BRF1: variants seen among roughly 807,000 people sequenced by gnomAD.
The protein encoded by BRF1 is BRF1 general transcription factor IIIB subunit, also known as transcription factor IIIB 90 kDa subunit.
A neutral mutation model predicts 81.7 loss-of-function variants in BRF1; 59 were observed. The ratio of observed to expected loss-of-function variants is 0.72; its 90% CI spans 0.59 to 0.90. BRF1 has a LOEUF of 0.90. Among genes scored for constraint, BRF1 ranks in the 40% least tolerant of loss-of-function variants. BRF1 has a pLI of 0.00. For synonymous variants in BRF1, 491 were observed against 395.6 expected, an observed-to-expected ratio of 1.24 and a Z score of -2.86; for missense variants, 1,050 against 936.3, an observed-to-expected ratio of 1.12 and a Z score of -1.58.
chr14:105,256,298 T>C (rs188768764), intron 4 of BRF1: 4 of 1,546,494 alleles, frequency 2.6e-6, no homozygotes, highest in Non-Finnish European at 1.7e-6. Flanking sequence ...GCAGGTGCCC[T>C]CCTGCCATGG....
intron 3 of BRF1, among the ~76,000 whole-genome samples, chr14:105,264,210 TCTATAA>T (rs2056294994): frequency 6.6e-6 from 1 of 152,018 alleles, no homozygotes; most frequent in Non-Finnish European, 1.5e-5. Flanking sequence ...ATGGCTCACA[TCTATAA>T]TCCTAGCACG....
In BRF1 at chr14:105,212,159, C is replaced by T; in HGVS notation, c.1778G>A (p.Arg593Lys). ...DPVTSVGKRL[R>K]PLVSTQPAKK... ...TGCTGGCTGCGTAGACACCAGAGGCCTCAACCTGCAAAAGGAAGCACAGCA... is the reference window on the plus strand; with the variant it reads ...TGCTGGCTGCGTAGACACCAGAGGCTTCAACCTGCAAAAGGAAGCACAGCA... The change falls in exon 16 of 18, where the codon AGG becomes AAG. Residue 593 changes from arginine to lysine, a missense_variant. Around this residue, in one of 2 missense-constraint regions of BRF1, gnomAD observed 1,043 missense variants for 915.4 expected, o/e 1.14. Transcript: ENST00000547530. 1 of 1,612,332 alleles carries T rather than the reference C, an allele frequency of 6.2e-7. No homozygotes were observed. The highest frequency in any genetic ancestry group is 8.5e-7 in the Non-Finnish European group (1 of 1,179,458).
intron 15 of BRF1, among the ~76,000 whole-genome samples, chr14:105,216,949 C>T (rs1891425454): frequency 6.6e-6 from 1 of 152,338 alleles, no homozygotes; most frequent in South Asian, 2.1e-4. Context: ...AGCCCAGCTG[C>T]CCATGGCCTC....
chr14:105,254,652 C>G (rs587747455), intron 4 of BRF1, among the ~76,000 whole-genome samples: 1 of 152,288 alleles, frequency 6.6e-6, no homozygotes, highest in Non-Finnish European at 1.5e-5. Flanking sequence ...ACCTCCACCT[C>G]AAGGGTTCAA....
intron 5 of BRF1, chr14:105,248,148 A>C: frequency 1.0e-6 from 1 of 985,490 alleles, no homozygotes; most frequent in Non-Finnish European, 1.2e-6. Context: ...CTCAGAGCAG[A>C]GTGGACCGCG....
At chr14:105,261,746 G>A (rs2056164176) in intron 3 of BRF1, among the ~76,000 whole-genome samples, 1 of 152,266 alleles carries the variant, frequency 6.6e-6, no homozygotes, top group African/African-American at 2.4e-5. Context: ...AGCCAGCAGT[G>A]CAGGGGCCGG....
Position 105,209,486 on chromosome 14 carries a change from C to T in BRF1, c.*1065G>A, listed in dbSNP as rs775564399. The T allele has an allele frequency of 1.7e-5, 12 of 700,904 alleles. No homozygotes were observed. The highest frequency in any genetic ancestry group is 8.0e-5 in the Admixed American group (4 of 49,932). 43.4% of individuals were successfully genotyped at this position (700,904 alleles called of 1,614,324 possible). On this transcript the variant is annotated 3_prime_UTR_variant, in exon 18 of 18. Transcript: ENST00000547530. Reference sequence around the variant, plus strand: ...GAGGCCCCTGGGGGTCAGTGAGGCACGGCTCTGCCTCAAGGCCACCCCCTC... The same window carrying T: ...GAGGCCCCTGGGGGTCAGTGAGGCATGGCTCTGCCTCAAGGCCACCCCCTC...
At position 105,228,826 on chromosome 14, in the gene BRF1, C is replaced by A; in HGVS notation, c.782G>T (p.Arg261Leu). The A allele has an allele frequency of 6.2e-7, 1 of 1,613,888 alleles. No homozygotes were observed. The highest frequency in any genetic ancestry group is 8.5e-7 in the Non-Finnish European group (1 of 1,180,002). ...ATGAATGAGAGCCCCTCACCTCTTC[C>A]GCAGCGTGGACTCACACACTTTGAC... ...SVVKVCESTLRKRLTEFEDTP... is the reference protein window; with the variant it reads ...SVVKVCESTLLKRLTEFEDTP... Residue 261 changes from arginine to leucine, a missense_variant, in exon 7 of 18, where the codon CGG becomes CTG. This residue lies in a region of BRF1 where 1,043 missense variants were observed against 915.4 expected (regional missense o/e 1.14). Coordinates refer to ENST00000547530, the MANE Select transcript of BRF1 (RefSeq NM_001519.4).
At chr14:105,256,644 G>T (rs1044765293) in intron 3 of BRF1, 95 bp from the exon 4 acceptor site, 1 of 1,532,250 alleles carries the variant, frequency 6.5e-7, no homozygotes, top group Middle Eastern at 2.4e-4. Flanking sequence ...CACCTGCAGG[G>T]AGCTGGAGTC....
At chr14:105,262,384 C>A (rs1566846694) in intron 3 of BRF1, among the ~76,000 whole-genome samples, 1 of 152,216 alleles carries the variant, frequency 6.6e-6, no homozygotes, top group Non-Finnish European at 1.5e-5. Flanking sequence ...GACCTGCTGG[C>A]TGCCCTTTGT....
At position 105,271,901 on chromosome 14, in the gene BRF1, G is replaced by C. The variant is rs1356618587; in HGVS notation, c.439+820C>G. 1.0e-5 allele frequency among the ~76,000 whole-genome samples: 1 copy of C among 95,594 alleles called. No homozygotes were observed. Among genetic ancestry groups the C allele is most frequent in the African/African-American group, 3.9e-5 (1 of 25,464 alleles). The allele number at this position is 95,594 out of a possible 152,430, so 62.7% of individuals were successfully genotyped here. On this transcript the variant is annotated intron_variant, in intron 3 of 17. Transcript: ENST00000547530. The surrounding 1 kb of genome is among the most constrained non-coding windows in gnomAD (Gnocchi z 5.5). ...ACAAGGCCAAGCTGCACACCGCTGA[G>C]GGTCGGCGGCCTCCCCGCCCACCGC... is the stretch of plus-strand genomic sequence containing the variant.
Position 105,226,676 on chromosome 14 carries a change from G to A in BRF1, c.873C>T (p.Pro291=). ...MKIDLEEECD[P]PSYTAGQRKL... ...TCCTCTGCCCAGCTGTGTACGAGGG[G>A]GGGTCGCACTCCTCCTCCAGGTCGA... Residue 291 remains proline, a synonymous_variant, in exon 8 of 18, where the codon CCC becomes CCT. Coordinates refer to ENST00000547530, the MANE Select transcript of BRF1 (RefSeq NM_001519.4). 1 of 1,613,566 alleles carries A rather than the reference G, an allele frequency of 6.2e-7. No homozygotes were observed. The highest frequency in any genetic ancestry group is 8.5e-7 in the Non-Finnish European group (1 of 1,180,022).
intron 5 of BRF1, among the ~76,000 whole-genome samples, chr14:105,245,914 G>A (rs79647077): frequency 3.9e-5 from 6 of 152,290 alleles, no homozygotes; most frequent in African/African-American, 9.6e-5. Flanking sequence ...AGTAAAAATA[G>A]ACAAATGGGA....
At chr14:105,310,902 T>G (rs1239605512) in intron 1 of BRF1, among the ~76,000 whole-genome samples, 1 of 152,228 alleles carries the variant, frequency 6.6e-6, no homozygotes, top group African/African-American at 2.4e-5. Flanking sequence ...GTTTTATATG[T>G]ATAATCACTA....
chr14:105,241,870 A>G, intron 5 of BRF1: 1 of 211,926 alleles, frequency 4.7e-6, no homozygotes, highest in Non-Finnish European at 9.8e-6. Flanking sequence ...TGGCATCTCT[A>G]CCAGCATGGC....
chr14:105,285,894 A>G (rs2057296848), intron 2 of BRF1, among the ~76,000 whole-genome samples: 1 of 152,210 alleles, frequency 6.6e-6, no homozygotes, highest in Non-Finnish European at 1.5e-5. Context: ...CACATAAAGA[A>G]CTTTTTCAAC....
Position 105,217,726 on chromosome 14 carries a change from C to T in BRF1, c.1590G>A (p.Glu530=), listed in dbSNP as rs776041783. ...TGATCTTGCTGGAGATCTTCTTCTG[C>T]TCCAGCATCTTCTCGATGGCCTCCC... ...TAREAIEKML[E]QKKISSKINY... The change falls in exon 15 of 18, where the codon GAG becomes GAA. Residue 530 remains glutamate (E), a synonymous_variant. Transcript: ENST00000547530. 10 of 1,613,470 alleles carry T rather than the reference C, an allele frequency of 6.2e-6. No homozygotes were observed. The highest frequency in any genetic ancestry group is 1.7e-6 in the Non-Finnish European group (2 of 1,180,030).
chr14:105,226,646 C>T lies in BRF1; in HGVS notation c.903G>A (p.Leu301=), dbSNP rs780943834. 56 of 1,613,166 alleles carry T rather than the reference C, an allele frequency of 3.5e-5. No individual in the cohort carries two copies. The highest frequency in any genetic ancestry group is 4.2e-5 in the Non-Finnish European group (50 of 1,180,022). ...AAGCCGGCGCTACCTGCTTCATCCG[C>T]AGCTTCCTCTGCCCAGCTGTGTACG... The part of the protein sequence containing the change: ...PPSYTAGQRK[L]RMKQLEQVLS... Residue 301 remains leucine, a synonymous_variant, in exon 8 of 18, where the codon CTG becomes CTA. Transcript: ENST00000547530.
intron 4 of BRF1, chr14:105,256,310 G>A: frequency 1.9e-6 from 3 of 1,548,014 alleles, no homozygotes; most frequent in South Asian, 2.4e-5. Flanking sequence ...CTGCCATGGA[G>A]ACCCACACTC....
Sources: allele counts gnomAD v4.1 joint callset (sites outside exome capture counted in the v4.1 genomes callset), GRCh38; gene constraint gnomAD v4.1.1; regional missense constraint gnomAD v4.1.1; non-coding constraint Gnocchi (gnomAD v3.1); transcripts MANE v1.5; gene names NCBI Gene and HGNC (gene_info 2026-07-23, HGNC 2026-07-21).